SEZ6L: variants seen among roughly 807,000 people sequenced by gnomAD.
SEZ6L encodes seizure related 6 homolog like.
In SEZ6L, 37 loss-of-function variants were observed where a neutral mutation model predicts 106.2. The observed-to-expected ratio is 0.35, with a 90% CI of 0.27 to 0.46. The LOEUF is 0.46. SEZ6L is among the 20% of genes least tolerant of loss of function. The pLI, the probability that SEZ6L is intolerant of heterozygous loss-of-function variation, is 1.00. For synonymous variants in SEZ6L, 541 were observed against 570.4 expected, an observed-to-expected ratio of 0.95 and a Z score of 0.73; for missense variants, 1,172 against 1,332.8, an observed-to-expected ratio of 0.88 and a Z score of 1.88.
rs562307208 is a variant in SEZ6L, at chr22:26,354,923, C to A, written c.2599+3680C>A. Among the ~76,000 whole-genome samples, 5 of 152,334 alleles carry A rather than the reference C, an allele frequency of 3.3e-5. No individual in the cohort carries two copies. In the South Asian group the frequency reaches 8.3e-4, roughly 25 times the overall value. On this transcript the variant is annotated intron_variant, in intron 12 of 16. Transcript: ENST00000248933. ...GTACTCCCAAAAGCCTGAAGAAGAG[C>A]CCTGCGTGTGGTGGCAGCGACGTGA... is the stretch of plus-strand genomic sequence containing the variant.
intron 10 of SEZ6L, 112 bp from the exon 11 acceptor site, chr22:26,347,607 C>T: frequency 1.2e-6 from 1 of 853,812 alleles, no homozygotes; most frequent in South Asian, 2.0e-5. Context: ...AAGCGTGTTG[C>T]TCATTTCTAG....
intron 13 of SEZ6L, among the ~76,000 whole-genome samples, chr22:26,370,848 C>A (rs1330260381): frequency 6.6e-6 from 1 of 151,644 alleles, no homozygotes; most frequent in African/African-American, 2.4e-5. Context: ...TACAAAAAAT[C>A]AAAAAATTAG....
chr22:26,232,229 G>A (rs2078819764), intron 1 of SEZ6L, among the ~76,000 whole-genome samples: 1 of 152,030 alleles, frequency 6.6e-6, no homozygotes, highest in African/African-American at 2.4e-5. Context: ...ACCAGGAAAA[G>A]TCCTTACCCG....
At chr22:26,201,656 A>G (rs563932921) in intron 1 of SEZ6L, among the ~76,000 whole-genome samples, 1 of 152,170 alleles carries the variant, frequency 6.6e-6, no homozygotes, top group Admixed American at 6.5e-5. Context: ...ATGACTACTT[A>G]TATTTAAAGC....
chr22:26,211,082 C>A (rs1243643466), intron 1 of SEZ6L, among the ~76,000 whole-genome samples: 1 of 152,150 alleles, frequency 6.6e-6, no homozygotes, highest in African/African-American at 2.4e-5. Context: ...CCAATCCTGC[C>A]CTTAAGCTTT....
At chr22:26,221,842 G>A (rs985015371) in intron 1 of SEZ6L, among the ~76,000 whole-genome samples, 3 of 152,088 alleles carry the variant, frequency 2.0e-5, no homozygotes, top group African/African-American at 7.2e-5. Flanking sequence ...AGTCAAGAAA[G>A]TTTCATTTCT....
chr22:26,238,214 A>G (rs1351876333), intron 1 of SEZ6L, among the ~76,000 whole-genome samples: 1 of 152,230 alleles, frequency 6.6e-6, no homozygotes, highest in Non-Finnish European at 1.5e-5. Context: ...CAGTTGATGA[A>G]AAGGTTGTGT....
intron 1 of SEZ6L, among the ~76,000 whole-genome samples, chr22:26,175,245 G>A (rs1401926031): frequency 1.3e-5 from 2 of 152,130 alleles, no homozygotes; most frequent in African/African-American, 4.8e-5. Context: ...GAGTCATAAG[G>A]TAAAACAGGT....
rs115791817 is a variant in SEZ6L at position 26,184,573 on chromosome 22, T to G, written c.94+14810T>G. Among the ~76,000 whole-genome samples, 529 of 152,334 alleles carry G rather than the reference T, an allele frequency of 3.5e-3. 3 individuals are homozygous for G. Among genetic ancestry groups the G allele is most frequent in the African/African-American group, 0.012 (502 of 41,570 alleles). On this transcript the variant is annotated intron_variant, in intron 1 of 16. Transcript: ENST00000248933. The stretch of plus-strand genomic sequence containing the variant: ...CTGCTGTAGGTGCTGGAACAAAAAC[T>G]AATAGTGCCAGCCCTCAAGAAATGT...
intron 1 of SEZ6L, among the ~76,000 whole-genome samples, chr22:26,216,329 A>C (rs1483572951): frequency 6.6e-6 from 1 of 152,172 alleles, no homozygotes. Flanking sequence ...CCTGTCCCCA[A>C]GTGGTGGATG....
chr22:26,309,319 G>A (rs1182412447), intron 6 of SEZ6L, among the ~76,000 whole-genome samples: 1 of 151,972 alleles, frequency 6.6e-6, no homozygotes, highest in Non-Finnish European at 1.5e-5. Context: ...TATTTTTCAG[G>A]GCACTTTTTA....
chr22:26,250,543 C>A (rs948010753), intron 1 of SEZ6L, among the ~76,000 whole-genome samples: 4 of 152,134 alleles, frequency 2.6e-5, no homozygotes, highest in Non-Finnish European at 5.9e-5. Context: ...ATGCTGGCAC[C>A]ATGCTGTTTT....
At chr22:26,362,949 A>G (rs1057032741) in intron 12 of SEZ6L, among the ~76,000 whole-genome samples, 7 of 152,218 alleles carry the variant, frequency 4.6e-5, no homozygotes, top group Non-Finnish European at 1.0e-4. Flanking sequence ...ACTAAAACAT[A>G]CTCATCAATT....
At position 26,348,703 on chromosome 22, in the gene SEZ6L, A is replaced by C. The variant is rs141901494; in HGVS notation, c.2407+790A>C. Among the ~76,000 whole-genome samples the C allele has an allele frequency of 1.9e-3, 77 of 41,484 alleles. 4 individuals are homozygous for C. Among genetic ancestry groups the C allele is most frequent in the African/African-American group, 6.5e-3 (58 of 8,876 alleles). 27.2% of individuals were successfully genotyped at this position (41,484 alleles called of 152,430 possible). On this transcript the variant is annotated intron_variant, in intron 11 of 16. Coordinates refer to ENST00000248933, the MANE Select transcript of SEZ6L (RefSeq NM_021115.5). ...GAAAGAAAGAAAGAAAGAAAGAAAG[A>C]AGGCAAGGGAGGGAAGGGAGGGAAG...
At chr22:26,302,243 C>T (rs1486722878) in intron 5 of SEZ6L, among the ~76,000 whole-genome samples, 13 of 152,178 alleles carry the variant, frequency 8.5e-5, no homozygotes, top group African/African-American at 3.1e-4. Flanking sequence ...AATGCATAAT[C>T]CTGAGCCCCA....
intron 1 of SEZ6L, among the ~76,000 whole-genome samples, chr22:26,251,441 G>A (rs905308940): frequency 6.6e-6 from 1 of 151,992 alleles, no homozygotes; most frequent in Non-Finnish European, 1.5e-5. Context: ...TTCTTTTGGG[G>A]TAGTGTATCA....
Position 26,302,366 on chromosome 22 carries a change from G to A in SEZ6L, c.1348+3197G>A, listed in dbSNP as rs569636658. Among the ~76,000 whole-genome samples the A allele has an allele frequency of 3.4e-4, 52 of 152,288 alleles. No homozygotes were observed. In the South Asian group the frequency reaches 0.011, roughly 31 times the overall value. On this transcript the variant is annotated intron_variant, in intron 5 of 16. Coordinates refer to ENST00000248933, the MANE Select transcript of SEZ6L (RefSeq NM_021115.5). ...TAACGCACTGTCCCTGCACCAGTGGGCACAGCCTTGGCCATCTTCAGCTAT... is the reference window on the plus strand; with the variant it reads ...TAACGCACTGTCCCTGCACCAGTGGACACAGCCTTGGCCATCTTCAGCTAT...
intron 16 of SEZ6L, 22 bp from the exon 17 acceptor site, chr22:26,380,244 T>A (rs780636899): frequency 5.0e-6 from 8 of 1,612,950 alleles, no homozygotes; most frequent in Non-Finnish European, 6.8e-6. Flanking sequence ...GTTTGACAAA[T>A]CCGTGCTTCT....
In SEZ6L at chr22:26,284,604, C is replaced by CAAAA. The variant is rs137198; in HGVS notation, c.95-7777_95-7774dup. On this transcript the variant is annotated intron_variant, in intron 1 of 16. Transcript: ENST00000248933. Reference sequence around the variant, plus strand: ...CAGCCTTGATGACAGATCAGGACTCCAAAAAAAAAAAAAAAAAAAAAAAAA... The same window carrying CAAAA: ...CAGCCTTGATGACAGATCAGGACTCCAAAAAAAAAAAAAAAAAAAAAAAAAAAAA... 2.5e-3 allele frequency among the ~76,000 whole-genome samples: 159 copies of CAAAA among 64,002 alleles called. 5 individuals are homozygous for CAAAA. Among genetic ancestry groups the CAAAA allele is most frequent in the African/African-American group, 4.6e-3 (103 of 22,154 alleles). The allele number at this position is 64,002 out of a possible 152,430, so 42.0% of individuals were successfully genotyped here.
Sources: gnomAD v4.1 joint callset for allele counts (sites outside exome capture counted in the v4.1 genomes callset) on GRCh38, gnomAD v4.1.1 for gene constraint, MANE v1.5 for transcripts, NCBI Gene and HGNC (gene_info 2026-07-23, HGNC 2026-07-21) for gene names.